Variants in CAMTA1 observed in about 807,000 individuals in gnomAD.
The protein encoded by CAMTA1 is calmodulin binding transcription activator 1.
In CAMTA1, 27 loss-of-function variants were observed where a neutral mutation model predicts 170.9. The ratio of observed to expected loss-of-function variants is 0.16; its 90% CI spans 0.12 to 0.22. The LOEUF is 0.22. Among genes scored for constraint, CAMTA1 ranks in the 10% least tolerant of loss-of-function variants. The pLI is 1.00. For missense variants in CAMTA1, 1,619 were observed against 2,217.2 expected (o/e 0.73, Z 5.42); for synonymous variants, 833 against 891.5 (o/e 0.93, Z 1.17).
intron 5 of CAMTA1, among the ~76,000 whole-genome samples, chr1:7,385,645 G>A (rs1208256034): frequency 2.6e-5 from 4 of 152,140 alleles, no homozygotes; most frequent in Non-Finnish European, 5.9e-5. Context: ...AAATGAGGCT[G>A]CAGAGGCCAG....
At chr1:7,688,927 ATG>A (rs1322066667) in intron 11 of CAMTA1, among the ~76,000 whole-genome samples, 3 of 152,162 alleles carry the variant, frequency 2.0e-5, no homozygotes, top group Admixed American at 6.5e-5. Flanking sequence ...AGAGGCAGGT[ATG>A]TGTCATATGG....
intron 3 of CAMTA1, chr1:6,871,876 T>A (rs987614712): frequency 1.2e-5 from 18 of 1,451,894 alleles, no homozygotes; most frequent in South Asian, 1.4e-5. Flanking sequence ...TTTCATTTTT[T>A]AATTTTGGTG....
At position 7,455,591 on chromosome 1, in the gene CAMTA1, C is replaced by T. The variant is rs1050409355; in HGVS notation, c.439-12239C>T. 2.0e-5 allele frequency among the ~76,000 whole-genome samples: 3 copies of T among 152,338 alleles called. No individual in the cohort carries two copies. In the East Asian group the frequency reaches 5.8e-4, roughly 29 times the overall value. On this transcript the variant is annotated intron_variant, in intron 5 of 22. Coordinates refer to ENST00000303635, the MANE Select transcript of CAMTA1 (RefSeq NM_015215.4). The surrounding 1 kb of genome is among the most constrained non-coding windows in gnomAD (Gnocchi z 5.0). ...CCTGTTGTCCGTTTTAAGCAAGAAT[C>T]CCTGCCCAGACTCCCTGGCCACATG...
At chr1:7,329,447 T>C (rs1306669983) in intron 5 of CAMTA1, among the ~76,000 whole-genome samples, 1 of 152,216 alleles carries the variant, frequency 6.6e-6, no homozygotes, top group East Asian at 1.9e-4. Context: ...TCTAAAATTC[T>C]TTTAAAATTT....
intron 3 of CAMTA1, among the ~76,000 whole-genome samples, chr1:6,957,969 C>T (rs1557884892): frequency 6.6e-6 from 1 of 152,266 alleles, no homozygotes; most frequent in East Asian, 1.9e-4. Flanking sequence ...CTCTCTGTTC[C>T]CTCCCGCCTG....
At chr1:6,974,912 A>G (rs1693144884) in intron 3 of CAMTA1, among the ~76,000 whole-genome samples, 1 of 152,230 alleles carries the variant, frequency 6.6e-6, no homozygotes, top group East Asian at 1.9e-4. Context: ...GTTGGAATAA[A>G]CATAAGGCTT....
chr1:7,028,188 TG>T (rs2101047942), intron 3 of CAMTA1, among the ~76,000 whole-genome samples: 1 of 152,274 alleles, frequency 6.6e-6, no homozygotes, highest in African/African-American at 2.4e-5. Flanking sequence ...TACAGGCGTG[TG>T]CCACTGCCTG....
At position 7,195,822 on chromosome 1, in the gene CAMTA1, C is replaced by G. The variant is rs891421846; in HGVS notation, c.303-53669C>G. Among the ~76,000 whole-genome samples, 29 of 152,144 alleles carry G rather than the reference C, an allele frequency of 1.9e-4. No individual in the cohort carries two copies. Among genetic ancestry groups the G allele is most frequent in the Non-Finnish European group, 2.8e-4 (19 of 68,036 alleles). ...TCACCTGAGGTCAGGAGTTCAAGAC[C>G]AGCCTGGCCAACATGGTGAAACCCC... On this transcript the variant is annotated intron_variant, in intron 4 of 22. Transcript: ENST00000303635. This position sits in a 1 kb window ranked among gnomAD's most constrained non-coding sequence, Gnocchi z 4.1.
intron 4 of CAMTA1, among the ~76,000 whole-genome samples, chr1:7,227,615 C>A (rs1661957417): frequency 6.6e-6 from 1 of 152,212 alleles, no homozygotes; most frequent in African/African-American, 2.4e-5. Flanking sequence ...AGGCATGAGC[C>A]ATTGCTCCCA....
At chr1:6,856,119 T>C (rs1292782786) in intron 3 of CAMTA1, among the ~76,000 whole-genome samples, 1 of 152,142 alleles carries the variant, frequency 6.6e-6, no homozygotes, top group Non-Finnish European at 1.5e-5. Context: ...CCTGCTGTTG[T>C]GTGCTGTAGT....
At chr1:6,954,126 T>G (rs77085517) in intron 3 of CAMTA1, among the ~76,000 whole-genome samples, 3 of 152,244 alleles carry the variant, frequency 2.0e-5, no homozygotes, top group African/African-American at 7.2e-5. Flanking sequence ...AAAGCTTGTG[T>G]TGCTTTTGCC....
intron 4 of CAMTA1, among the ~76,000 whole-genome samples, chr1:7,121,728 G>A (rs1305459979): frequency 6.6e-6 from 1 of 152,182 alleles, no homozygotes; most frequent in Non-Finnish European, 1.5e-5. Flanking sequence ...AGCTGGCACG[G>A]CGAGTTCTGG....
intron 3 of CAMTA1, among the ~76,000 whole-genome samples, chr1:6,890,753 G>T (rs1371230865): frequency 1.3e-5 from 2 of 152,004 alleles, no homozygotes; most frequent in Non-Finnish European, 2.9e-5. Context: ...TAATTTTTCT[G>T]TGGAGTCGAG....
chr1:7,423,773 G>A (rs1486989058), intron 5 of CAMTA1, among the ~76,000 whole-genome samples: 1 of 152,126 alleles, frequency 6.6e-6, no homozygotes, highest in Non-Finnish European at 1.5e-5. Flanking sequence ...GTATGGCCGA[G>A]TGTTTGTGCT....
intron 5 of CAMTA1, among the ~76,000 whole-genome samples, chr1:7,352,708 T>G (rs950958889): frequency 1.3e-5 from 2 of 152,208 alleles, no homozygotes; most frequent in Non-Finnish European, 2.9e-5. Flanking sequence ...GCAGAGGGCC[T>G]CTGGTTGCTG....
At chr1:6,964,832 GGAGATTTCTATGGAGA>G (rs1440189007) in intron 3 of CAMTA1, among the ~76,000 whole-genome samples, 2 of 152,234 alleles carry the variant, frequency 1.3e-5, no homozygotes, top group Non-Finnish European at 2.9e-5. Context: ...AGGAGGACCA[GGAGATTTCTATGGAGA>G]GACGAGTCAG....
intron 3 of CAMTA1, among the ~76,000 whole-genome samples, chr1:7,028,862 T>A (rs952561540): frequency 6.6e-6 from 1 of 152,204 alleles, no homozygotes; most frequent in African/African-American, 2.4e-5. Context: ...AAATTGTATA[T>A]TGTACAAAAA....
intron 4 of CAMTA1, among the ~76,000 whole-genome samples, chr1:7,137,268 C>A (rs1373126369): frequency 6.6e-6 from 1 of 152,190 alleles, no homozygotes; most frequent in Non-Finnish European, 1.5e-5. Flanking sequence ...GTCTATCCCA[C>A]CCTCACCTTT....
intron 6 of CAMTA1, among the ~76,000 whole-genome samples, chr1:7,579,932 G>A (rs2095244431): frequency 6.6e-6 from 1 of 152,262 alleles, no homozygotes; most frequent in South Asian, 2.1e-4. Context: ...CACTGGGACA[G>A]TTCTGAGATC....
Sources: allele counts gnomAD v4.1 joint callset (sites outside exome capture counted in the v4.1 genomes callset), GRCh38; gene constraint gnomAD v4.1.1; non-coding constraint Gnocchi (gnomAD v3.1); transcripts MANE v1.5; gene names NCBI Gene and HGNC (gene_info 2026-07-23, HGNC 2026-07-21).